Variants in LSM7 observed in about 807,000 individuals in gnomAD.
The protein encoded by LSM7 is U6 snRNA-associated Sm-like protein LSm7.
In LSM7, 13 loss-of-function variants were observed where a neutral mutation model predicts 14.1. The ratio of observed to expected loss-of-function variants is 0.92; its 90% confidence interval spans 0.60 to 1.47. The LOEUF (loss-of-function observed/expected upper bound fraction) is 1.47. Among genes scored for constraint, LSM7 ranks in the 40% most tolerant of loss-of-function variants. The pLI is 0.00. For synonymous variants in LSM7, 70 were observed against 57.1 expected (o/e 1.23, Z -1.02); for missense variants, 108 against 140.8 (o/e 0.77, Z 1.18).
At chr19:2,325,519 A>G (rs567237048) in intron 2 of LSM7, among the ~76,000 whole-genome samples, 1 of 151,750 alleles carries the variant, frequency 6.6e-6, no homozygotes, top group East Asian at 1.9e-4. Flanking sequence ...GGCACCACCA[A>G]TCTCGGGAAG....
rs188138691 is a variant in LSM7, at chr19:2,323,249, G to A, written c.169+876C>T. On this transcript the variant is annotated intron_variant, in intron 3 of 3. Transcript: ENST00000252622. ...TCTGGGGAGGAGACAGGGACCCTGC[G>A]TTCATAGCGGGAATTAACAAGGGCA... 2.2e-3 allele frequency among the ~76,000 whole-genome samples: 329 copies of A among 152,258 alleles called. 4 individuals are homozygous for A. The highest frequency in any genetic ancestry group is 6.9e-3 in the African/African-American group (288 of 41,552).
chr19:2,323,991 G>C lies in LSM7; in HGVS notation c.169+134C>G, dbSNP rs1238534850. ...ACGTTGGTAACTCAGAGGTTTTGTG[G>C]GTTTGAGAGAAGAAGAGCCAGCAGG... On this transcript the variant is annotated intron_variant, in intron 3 of 3. Coordinates refer to ENST00000252622, the MANE Select transcript of LSM7 (RefSeq NM_016199.3). 6 of 783,142 alleles carry C rather than the reference G, an allele frequency of 7.7e-6. No individual in the cohort carries two copies. The Admixed American group carries it at 1.4e-4, about 18-fold the overall frequency. 48.5% of individuals were successfully genotyped at this position (783,142 alleles called of 1,614,324 possible).
At chr19:2,325,704 C>T (rs778482612) in intron 2 of LSM7, among the ~76,000 whole-genome samples, 3 of 152,274 alleles carry the variant, frequency 2.0e-5, no homozygotes, top group Non-Finnish European at 2.9e-5. Context: ...ACCTGCCCGC[C>T]GCTCCTCTCT....
At chr19:2,325,819 C>T (rs1968006053) in intron 2 of LSM7, among the ~76,000 whole-genome samples, 1 of 152,266 alleles carries the variant, frequency 6.6e-6, no homozygotes, top group African/African-American at 2.4e-5. Context: ...TGACAGAGAC[C>T]ATCTGGGCTG....
rs1434292670 is a variant in LSM7, at chr19:2,321,763, G to A, written c.229C>T (p.Arg77Trp). 8 of 1,559,474 alleles carry A rather than the reference G, an allele frequency of 5.1e-6. No individual in the cohort carries two copies. Among genetic ancestry groups the A allele is most frequent in the South Asian group, 1.2e-5 (1 of 83,780 alleles). The change falls in exon 4 of 4, where the codon CGG becomes TGG. Residue 77 changes from arginine (R) to tryptophan (W), a missense_variant. Coordinates refer to ENST00000252622, the MANE Select transcript of LSM7 (RefSeq NM_016199.3). This position sits in a 1 kb window ranked among gnomAD's most constrained non-coding sequence, Gnocchi z 5.0. Reference sequence around the variant, plus strand: ...CAGATTAGCACCACGGACGTGCCCCGGCACACCACGAGGCCCAGCTGCCGG... The same window carrying A: ...CAGATTAGCACCACGGACGTGCCCCAGCACACCACGAGGCCCAGCTGCCGG... The part of the protein sequence containing the change: ...DTRQLGLVVC[R>W]GTSVVLICPQ...
At chr19:2,323,730 G>C (rs1275392526) in intron 3 of LSM7, among the ~76,000 whole-genome samples, 4 of 152,164 alleles carry the variant, frequency 2.6e-5, no homozygotes, top group Admixed American at 6.5e-5. Context: ...GGGATTATAG[G>C]TGTGAGCCAT....
At chr19:2,328,319 A>C (rs991525025) in intron 2 of LSM7, 68 bp downstream of exon 2, 33 of 1,330,250 alleles carry the variant, frequency 2.5e-5, no homozygotes, top group Non-Finnish European at 3.5e-5. Flanking sequence ...ATGCGTCCTC[A>C]TCATCTCTGT....
At chr19:2,325,420 CCT>C (rs66922318) in intron 2 of LSM7, among the ~76,000 whole-genome samples, 75,347 of 151,552 alleles carry the variant, frequency 0.5, 20,328 homozygotes, top group Middle Eastern at 0.62. Context: ...CCTTCTTACC[CCT>C]GTCATCTTTC....
chr19:2,328,338 T>G, intron 2 of LSM7, 49 bp downstream of exon 2: 2 of 1,500,626 alleles, frequency 1.3e-6, no homozygotes, highest in Non-Finnish European at 1.8e-6. Context: ...GTTGCTGGGT[T>G]TATTTGAAAT....
intron 3 of LSM7, among the ~76,000 whole-genome samples, chr19:2,322,685 G>A (rs546784267): frequency 6.6e-6 from 1 of 152,268 alleles, no homozygotes; most frequent in South Asian, 2.1e-4. Flanking sequence ...CTGCAGTGGT[G>A]GGGGCATGGG....
At chr19:2,323,311 G>A (rs953126843) in intron 3 of LSM7, among the ~76,000 whole-genome samples, 5 of 152,038 alleles carry the variant, frequency 3.3e-5, no homozygotes, top group Non-Finnish European at 4.4e-5. Flanking sequence ...CCCACGGCAC[G>A]CTCACTACCC....
At chr19:2,325,087 G>A (rs1174047637) in intron 2 of LSM7, among the ~76,000 whole-genome samples, 3 of 152,274 alleles carry the variant, frequency 2.0e-5, no homozygotes, top group African/African-American at 7.2e-5. Flanking sequence ...CAAAGGCTTC[G>A]GGGGCTGAGA....
intron 3 of LSM7, among the ~76,000 whole-genome samples, chr19:2,322,904 G>C (rs1967955500): frequency 6.7e-6 from 1 of 148,946 alleles, no homozygotes; most frequent in Non-Finnish European, 1.5e-5. Context: ...TTTTTGTAGA[G>C]ACAGGGTCTC....
rs1968079500 is a variant in LSM7 at position 2,328,233 on chromosome 19, G to A, written c.97+154C>T. On this transcript the variant is annotated intron_variant, in intron 2 of 3. Transcript: ENST00000252622. Reference sequence around the variant, plus strand: ...TGCAGTGAGCTGAGATCGCACCACTGCACTCCAGCCCGGGTGACAGAGCGA... The same window carrying A: ...TGCAGTGAGCTGAGATCGCACCACTACACTCCAGCCCGGGTGACAGAGCGA... 1.5e-5 allele frequency: 10 copies of A among 661,700 alleles called. 1 individual carries two copies. The South Asian group carries it at 2.0e-4, about 13-fold the overall frequency. The allele number at this position is 661,700 out of a possible 1,614,324, so 41.0% of individuals were successfully genotyped here. A position where few individuals can be genotyped will look rare whatever the true frequency, so the allele number is the denominator to read the frequency against.
At position 2,321,905 on chromosome 19, in the gene LSM7, C is replaced by A. The variant is rs1967940374; in HGVS notation, c.170-83G>T. 2.4e-6 allele frequency: 3 copies of A among 1,257,184 alleles called. No homozygotes were observed. In the East Asian group the frequency reaches 9.4e-5, roughly 39 times the overall value. 77.9% of individuals were successfully genotyped at this position (1,257,184 alleles called of 1,614,324 possible). ...CACCCACCCAAGACCCTCGCTCCGA[C>A]CTCCCCACCTGCACCCTGCAGGCGC... On this transcript the variant is annotated intron_variant, in intron 3 of 3. Coordinates refer to ENST00000252622, the MANE Select transcript of LSM7 (RefSeq NM_016199.3). This position sits in a 1 kb window ranked among gnomAD's most constrained non-coding sequence, Gnocchi z 5.0.
Position 2,328,448 on chromosome 19 carries a change from G to C in LSM7, c.36C>G (p.Ile12Met). The C allele has an allele frequency of 6.2e-7, 1 of 1,613,952 alleles. No homozygotes were observed. The highest frequency in any genetic ancestry group is 8.5e-7 in the Non-Finnish European group (1 of 1,179,874). The change falls in exon 2 of 4, where the codon ATC (isoleucine) becomes ATG (methionine). Residue 12 changes from isoleucine (I) to methionine (M), a missense_variant. Transcript: ENST00000252622. ...ADKEKKKKES[I>M]LDLSKYIDKT... Reference sequence around the variant, plus strand: ...TGTCGATGTACTTGGACAAGTCCAAGATGCTCTCCTTTTTCTTCTTCTCCT... The same window carrying C: ...TGTCGATGTACTTGGACAAGTCCAACATGCTCTCCTTTTTCTTCTTCTCCT...
Position 2,323,958 on chromosome 19 carries a change from G to A in LSM7, c.169+167C>T, listed in dbSNP as rs533492793. 7.9e-5 allele frequency among the ~76,000 whole-genome samples: 12 copies of A among 152,116 alleles called. No individual in the cohort carries two copies. In the East Asian group the frequency reaches 1.4e-3, roughly 17 times the overall value. Reference sequence around the variant, plus strand: ...CTCAAGCCCGTCCATCGGCCGCCACGAGGCTTCACGTTGGTAACTCAGAGG... The same window carrying A: ...CTCAAGCCCGTCCATCGGCCGCCACAAGGCTTCACGTTGGTAACTCAGAGG... On this transcript the variant is annotated intron_variant, in intron 3 of 3. Transcript: ENST00000252622.
rs770264067 is a variant in LSM7 at position 2,324,113 on chromosome 19, C to T, written c.169+12G>A. ...TCGTCCCGCTGCCTGCCTCGGCCGCCACCCCACTCACCTCGCATGTACTCA... is the reference window on the plus strand; with the variant it reads ...TCGTCCCGCTGCCTGCCTCGGCCGCTACCCCACTCACCTCGCATGTACTCA... On this transcript the variant is annotated intron_variant, in intron 3 of 3. Transcript: ENST00000252622. 1 of 1,544,384 alleles carries T rather than the reference C, an allele frequency of 6.5e-7. No individual in the cohort carries two copies.
intron 3 of LSM7, among the ~76,000 whole-genome samples, chr19:2,323,008 A>G (rs1380805514): frequency 6.6e-6 from 1 of 151,672 alleles, no homozygotes; most frequent in Admixed American, 6.6e-5. Context: ...ATGAGCCACC[A>G]TGGCCAGCTA....
Sources: gnomAD v4.1 joint callset for allele counts (sites outside exome capture counted in the v4.1 genomes callset) on GRCh38, gnomAD v4.1.1 for gene constraint, Gnocchi (gnomAD v3.1) non-coding constraint, MANE v1.5 for transcripts, NCBI Gene and HGNC (gene_info 2026-07-23, HGNC 2026-07-21) for gene names.